DPY19L2: variants seen among roughly 807,000 people sequenced by gnomAD.
DPY19L2 encodes probable C-mannosyltransferase DPY19L2.
A neutral mutation model predicts 97.9 loss-of-function variants in DPY19L2; 34 were observed. The observed-to-expected ratio is 0.35, with a 90% CI of 0.26 to 0.46. The LOEUF is 0.46. Among genes scored for constraint, DPY19L2 ranks in the 20% least tolerant of loss-of-function variants. DPY19L2 has a pLI of 1.00. For synonymous variants in DPY19L2, 230 were observed against 307.9 expected (o/e 0.75, Z 2.65); for missense variants, 623 against 911.4 (o/e 0.68, Z 4.07).
Position 63,661,442 on chromosome 12 carries a change from G to A in DPY19L2, c.490C>T (p.Pro164Ser), listed in dbSNP as rs146516881. The A allele has an allele frequency of 6.9e-6, 11 of 1,599,524 alleles. No individual in the cohort carries two copies. In the African/African-American group the frequency reaches 1.4e-4, roughly 20 times the overall value. Residue 164 changes from proline (P) to serine (S), a missense_variant, in exon 4 of 22, where the codon CCT becomes TCT. Around this residue, in one of 6 missense-constraint regions of DPY19L2, gnomAD observed 84 missense variants for 125.4 expected, o/e 0.67. Coordinates refer to ENST00000324472, the MANE Select transcript of DPY19L2 (RefSeq NM_173812.5). ...YSYFKTIIEA[P>S]SFLEGLWMIM... Reference sequence around the variant, plus strand: ...ATCCACAGTCCTTCCAAAAACGAAGGTGCTTCAATAATGGTCTTGAAGTAT... The same window carrying A: ...ATCCACAGTCCTTCCAAAAACGAAGATGCTTCAATAATGGTCTTGAAGTAT...
At chr12:63,646,632 G>A (rs397843064) in intron 5 of DPY19L2, among the ~76,000 whole-genome samples, 2 of 152,046 alleles carry the variant, frequency 1.3e-5, no homozygotes, top group Non-Finnish European at 2.9e-5. Context: ...CTCAAGGGAC[G>A]GCACCATACT....
At chr12:63,640,537 T>C (rs1592697344) in intron 6 of DPY19L2, among the ~76,000 whole-genome samples, 1 of 152,144 alleles carries the variant, frequency 6.6e-6, no homozygotes, top group South Asian at 2.1e-4. Flanking sequence ...TTAGTGTCAG[T>C]GGGGAGGGTA....
chr12:63,661,373 C>A lies in DPY19L2; in HGVS notation c.559G>T (p.Ala187Ser). 2 of 1,587,244 alleles carry A rather than the reference C, an allele frequency of 1.3e-6. No individual in the cohort carries two copies. Among genetic ancestry groups the A allele is most frequent in the Non-Finnish European group, 1.7e-6 (2 of 1,172,500 alleles). The change falls in exon 4 of 22, where the codon GCA (alanine) becomes TCA (serine). Residue 187 changes from alanine (A) to serine (S), a missense_variant. Physicochemically the swap from Ala to Ser is moderately conservative, Grantham distance 99. Around this residue, in one of 6 missense-constraint regions of DPY19L2, gnomAD observed 84 missense variants for 125.4 expected, o/e 0.67. Coordinates refer to ENST00000324472, the MANE Select transcript of DPY19L2 (RefSeq NM_173812.5). ...RLTEYPLIIN[A>S]IKRFHLYPEV... The stretch of plus-strand genomic sequence containing the variant: ...GGATAAAGATGGAAGCGTTTTATTG[C>A]ATTAATTATAAGAGGATATTCAGTA...
chr12:63,643,310 C>A (rs1892961617), intron 6 of DPY19L2, among the ~76,000 whole-genome samples: 1 of 151,928 alleles, frequency 6.6e-6, no homozygotes. Context: ...GACTATGTCA[C>A]TAGTTTTCAT....
chr12:63,630,498 A>G (rs572001630), intron 6 of DPY19L2, among the ~76,000 whole-genome samples: 1 of 152,324 alleles, frequency 6.6e-6, no homozygotes, highest in Non-Finnish European at 1.5e-5. Context: ...AAAGGGATCA[A>G]TTCAACAAGA....
chr12:63,619,514 TTC>T (rs1888344653), intron 9 of DPY19L2, among the ~76,000 whole-genome samples: 1 of 151,660 alleles, frequency 6.6e-6, no homozygotes, highest in South Asian at 2.1e-4. Flanking sequence ...AATATCAAAC[TTC>T]TTTTTTTTTT....
At chr12:63,651,278 T>C (rs1176320251) in intron 4 of DPY19L2, among the ~76,000 whole-genome samples, 1 of 152,048 alleles carries the variant, frequency 6.6e-6, no homozygotes, top group Non-Finnish European at 1.5e-5. Context: ...GACTGAAACG[T>C]AAAACCTAAA....
chr12:63,578,192 A>G (rs1880217321), intron 19 of DPY19L2, among the ~76,000 whole-genome samples: 1 of 152,116 alleles, frequency 6.6e-6, no homozygotes, highest in Non-Finnish European at 1.5e-5. Flanking sequence ...TCATTACATT[A>G]ATTGAAATAA....
At chr12:63,641,042 G>A (rs1229800094) in intron 6 of DPY19L2, among the ~76,000 whole-genome samples, 3 of 151,828 alleles carry the variant, frequency 2.0e-5, no homozygotes, top group Non-Finnish European at 2.9e-5. Flanking sequence ...ACAGGCGCCC[G>A]CCACCACGCC....
At chr12:63,561,457 A>C (rs1315498624) in intron 21 of DPY19L2, among the ~76,000 whole-genome samples, 1 of 152,116 alleles carries the variant, frequency 6.6e-6, no homozygotes, top group Admixed American at 6.6e-5. Context: ...GCCTCAGGCA[A>C]CTACTGTGCT....
At chr12:63,640,373 G>A (rs1313779419) in intron 6 of DPY19L2, among the ~76,000 whole-genome samples, 1 of 151,996 alleles carries the variant, frequency 6.6e-6, no homozygotes, top group African/African-American at 2.4e-5. Context: ...AGATACGAGA[G>A]GATATTTTGA....
chr12:63,620,871 T>C (rs2942599), intron 9 of DPY19L2, among the ~76,000 whole-genome samples: 1 of 152,088 alleles, frequency 6.6e-6, no homozygotes, highest in South Asian at 2.1e-4. Context: ...CGGAATACTA[T>C]GCAGCCATAA....
intron 21 of DPY19L2, among the ~76,000 whole-genome samples, chr12:63,567,019 G>A (rs1877853649): frequency 6.6e-6 from 1 of 152,046 alleles, no homozygotes; most frequent in East Asian, 1.9e-4. Context: ...AAAATCCTCT[G>A]TTCTGGCTTT....
intron 6 of DPY19L2, among the ~76,000 whole-genome samples, chr12:63,635,434 T>A (rs1393843299): frequency 6.6e-6 from 1 of 152,098 alleles, no homozygotes; most frequent in Non-Finnish European, 1.5e-5. Flanking sequence ...GGAAGGAGAA[T>A]GACTTTGACA....
chr12:63,600,715 G>A (rs1283311143), intron 12 of DPY19L2, among the ~76,000 whole-genome samples: 2 of 150,224 alleles, frequency 1.3e-5, no homozygotes, highest in East Asian at 1.9e-4. Context: ...AGGAAGGGGG[G>A]ATTTGAACAA....
At chr12:63,629,865 C>G (rs1268928557) in intron 6 of DPY19L2, among the ~76,000 whole-genome samples, 5 of 152,196 alleles carry the variant, frequency 3.3e-5, no homozygotes, top group Non-Finnish European at 7.3e-5. Context: ...AACAGCTGAT[C>G]TCTTGGCAGA....
intron 15 of DPY19L2, 143 bp from the exon 16 acceptor site, chr12:63,594,276 A>G (rs566622702): frequency 5.3e-6 from 3 of 570,734 alleles, no homozygotes; most frequent in East Asian, 7.2e-5. Context: ...GGACGGTCAT[A>G]CTATAGATGC....
intron 5 of DPY19L2, among the ~76,000 whole-genome samples, chr12:63,646,568 A>C (rs1893437936): frequency 6.6e-6 from 1 of 152,206 alleles, no homozygotes; most frequent in Non-Finnish European, 1.5e-5. Context: ...AAATAAAGAA[A>C]AAACTACAGT....
At chr12:63,632,758 A>T (rs913829562) in intron 6 of DPY19L2, among the ~76,000 whole-genome samples, 54 of 152,224 alleles carry the variant, frequency 3.5e-4, no homozygotes, top group Non-Finnish European at 5.9e-4. Context: ...CATCGCCAAG[A>T]CAATCCTAAG....
Sources: gnomAD v4.1 joint callset for allele counts (sites outside exome capture counted in the v4.1 genomes callset) on GRCh38, gnomAD v4.1.1 for gene constraint, gnomAD v4.1.1 regional missense constraint, MANE v1.5 for transcripts, NCBI Gene and HGNC (gene_info 2026-07-23, HGNC 2026-07-21) for gene names.